Variants in P2RX6 observed in about 807,000 individuals in gnomAD.
P2RX6 encodes the protein purinergic receptor P2X 6.
A neutral mutation model predicts 54.2 loss-of-function variants in P2RX6; 62 were observed. The ratio of observed to expected loss-of-function variants is 1.14; its 90% confidence interval spans 0.93 to 1.41. The LOEUF is 1.41. Among genes scored for constraint, P2RX6 ranks in the 40% most tolerant of loss-of-function variants. The pLI, the probability that P2RX6 is intolerant of heterozygous loss-of-function variation, is 0.00. For missense variants in P2RX6, 541 were observed against 566.3 expected (o/e 0.96, Z 0.45); for synonymous variants, 211 against 231.9 (o/e 0.91, Z 0.82).
At chr22:21,012,432 C>G (rs911026489), upstream of P2RX6, 5 of 413,984 alleles carry the variant, frequency 1.2e-5, no homozygotes, top group Non-Finnish European at 1.8e-5. Context: ...ACCAGCAGGA[C>G]CCAGGTGACA....
chr22:21,010,859 G>T (rs901998273), upstream of P2RX6, among the ~76,000 whole-genome samples: 14 of 151,858 alleles, frequency 9.2e-5, no homozygotes, highest in African/African-American at 2.7e-4. Context: ...CCTAGCCTAG[G>T]CACACTGCTG....
Position 21,026,476 on chromosome 22 carries a change from C to T in P2RX6, c.1185C>T (p.Ser395=), listed in dbSNP as rs1202243571. The T allele has an allele frequency of 6.2e-7, 1 of 1,601,792 alleles. No individual in the cohort carries two copies. The highest frequency in any genetic ancestry group is 8.5e-7 in the Non-Finnish European group (1 of 1,174,752). ...TGTGGAGGGAGCTGGCCCTTGCATCCCAAGCCCGACTGGCCGAGTGCCTCA... is the reference window on the plus strand; with the variant it reads ...TGTGGAGGGAGCTGGCCCTTGCATCTCAAGCCCGACTGGCCGAGTGCCTCA... ...NSVWRELALA[S]QARLAECLRR... Residue 395 remains serine, a synonymous_variant, in exon 12 of 12, where the codon TCC becomes TCT. Transcript: ENST00000413302. The surrounding 1 kb of genome is among the most constrained non-coding windows in gnomAD (Gnocchi z 4.0).
chr22:21,026,338 A>C lies in P2RX6; in HGVS notation c.1128+9A>C, dbSNP rs1928450116. On this transcript the variant is annotated intron_variant, in intron 11 of 11. Coordinates refer to ENST00000413302, the MANE Select transcript of P2RX6 (RefSeq NM_005446.5). The surrounding 1 kb of genome is among the most constrained non-coding windows in gnomAD (Gnocchi z 4.0). ...GGACAAAGTATGAGGAGGTGAGCTG[A>C]GGTCGCTCTGCTTGGACCCTGGGTT... 6.2e-7 allele frequency: 1 copy of C among 1,600,108 alleles called. No individual in the cohort carries two copies. Among genetic ancestry groups the C allele is most frequent in the African/African-American group, 1.3e-5 (1 of 74,732 alleles).
rs1440323970 is a variant in P2RX6 at position 21,027,321 on chromosome 22, A to C, written c.*704A>C. On this transcript the variant is annotated 3_prime_UTR_variant, in exon 12 of 12. Transcript: ENST00000413302. ...CCCTTTTGCCATGGAGGTCTGGGAGAGAGAGCAGAGGGCGGCAGGGCTAAG... is the reference window on the plus strand; with the variant it reads ...CCCTTTTGCCATGGAGGTCTGGGAGCGAGAGCAGAGGGCGGCAGGGCTAAG... 6.6e-6 allele frequency: 1 copy of C among 152,620 alleles called. No individual in the cohort carries two copies. The highest frequency in any genetic ancestry group is 1.5e-5 in the Non-Finnish European group (1 of 68,524). 9.5% of individuals were successfully genotyped at this position (152,620 alleles called of 1,614,324 possible).
chr22:21,024,021 C>T (rs1927958344), intron 8 of P2RX6, among the ~76,000 whole-genome samples: 2 of 150,496 alleles, frequency 1.3e-5, no homozygotes, highest in African/African-American at 4.9e-5. Flanking sequence ...AGTGGCCCGA[C>T]CTCGGCTCAC....
At position 21,020,577 on chromosome 22, in the gene P2RX6, ATCTTTTTTTTTTTTT is replaced by A. The variant is rs71813933; in HGVS notation, c.388-2082_388-2068del. Among the ~76,000 whole-genome samples the A allele has an allele frequency of 0.021, 3,081 of 145,692 alleles. 229 individuals carry two copies. The East Asian group carries it at 0.22, about 10-fold the overall frequency. The stretch of plus-strand genomic sequence containing the variant: ...GGACCTAGGGCTGCACTTGAGCAGA[ATCTTTTTTTTTTTTT>A]TCTTTTTTTTTTTTTTGAGACAGAG... On this transcript the variant is annotated intron_variant, in intron 3 of 11. Transcript: ENST00000413302.
intron 8 of P2RX6, among the ~76,000 whole-genome samples, chr22:21,024,819 C>T (rs1283433741): frequency 6.6e-6 from 1 of 150,844 alleles, no homozygotes; most frequent in Non-Finnish European, 1.5e-5. Flanking sequence ...GATCTGCCCA[C>T]TTCAGCCTCC....
intron 8 of P2RX6, among the ~76,000 whole-genome samples, chr22:21,024,880 T>TG (rs1569179962): frequency 1.4e-5 from 1 of 73,592 alleles, no homozygotes; most frequent in African/African-American, 5.1e-5. Flanking sequence ...TTTTTTGTGT[T>TG]TTTTTTTTTT....
intron 8 of P2RX6, among the ~76,000 whole-genome samples, chr22:21,024,439 G>A (rs1264502962): frequency 2.0e-5 from 3 of 151,808 alleles, no homozygotes; most frequent in East Asian, 1.9e-4. Flanking sequence ...CTCCACGCCC[G>A]GCTAATTTTT....
upstream of P2RX6, among the ~76,000 whole-genome samples, chr22:21,010,724 C>T (rs1925693442): frequency 6.6e-6 from 1 of 152,060 alleles, no homozygotes; most frequent in South Asian, 2.1e-4. Context: ...AGTGATGAGA[C>T]CAAGGAATCC....
At chr22:21,016,298 C>T (rs1160205337) in intron 2 of P2RX6, among the ~76,000 whole-genome samples, 3 of 152,124 alleles carry the variant, frequency 2.0e-5, no homozygotes, top group African/African-American at 7.2e-5. Flanking sequence ...AAAGGGGCCA[C>T]TCAAGAAGCC....
chr22:21,016,136 C>T lies in P2RX6; in HGVS notation c.315+44C>T, dbSNP rs372598474. ...CTGACGGGGGCGCAAGTCCTTTCCC[C>T]ACTGACAGCCTGAACACCCGCCATG... On this transcript the variant is annotated intron_variant, in intron 2 of 11. Coordinates refer to ENST00000413302, the MANE Select transcript of P2RX6 (RefSeq NM_005446.5). The T allele has an allele frequency of 1.3e-4, 205 of 1,536,578 alleles. No individual in the cohort carries two copies. The African/African-American group carries it at 2.3e-3, about 17-fold the overall frequency.
intron 3 of P2RX6, among the ~76,000 whole-genome samples, chr22:21,021,655 CTGAG>C (rs1232339727): frequency 3.9e-5 from 6 of 151,998 alleles, no homozygotes; most frequent in Non-Finnish European, 1.5e-5. Context: ...TGCCCCTGAG[CTGAG>C]TGCCCTGGGC....
At chr22:21,011,069 C>T (rs1041186486), upstream of P2RX6, among the ~76,000 whole-genome samples, 4 of 152,144 alleles carry the variant, frequency 2.6e-5, no homozygotes, top group Non-Finnish European at 5.9e-5. Flanking sequence ...GTTTCTTTTG[C>T]AGTGCCAATA....
At chr22:21,015,920 C>T (rs1926286155) in intron 1 of P2RX6, 22 bp from the exon 2 acceptor site, 1 of 1,548,528 alleles carries the variant, frequency 6.5e-7, no homozygotes, top group Admixed American at 2.0e-5. Context: ...ACACACCACA[C>T]TGCCCGACTT....
chr22:21,022,799 G>A, intron 4 of P2RX6, 48 bp downstream of exon 4: 7 of 1,507,210 alleles, frequency 4.6e-6, no homozygotes, highest in Non-Finnish European at 5.4e-6. Context: ...GTGGGGGCCG[G>A]GCTGGGATCC....
rs2277838 is a variant in P2RX6, at chr22:21,023,361, G to A, written c.725G>A (p.Arg242His). Residue 242 changes from arginine (R) to histidine (H), a missense_variant, in exon 7 of 12, where the codon CGC becomes CAC. Transcript: ENST00000413302. Reference protein sequence around the residue: ...PQFSPYCPVFRIGDLVAKAGG... With the variant: ...PQFSPYCPVFHIGDLVAKAGG... The stretch of plus-strand genomic sequence containing the variant: ...TTCAGCCCCTACTGTCCCGTGTTCC[G>A]CATTGGGGACCTCGTGGCCAAGGCT... 0.16 allele frequency: 265,618 copies of A among 1,613,710 alleles called. 24,325 individuals are homozygous for A. The highest frequency in any genetic ancestry group is 0.19 in the Non-Finnish European group (220,993 of 1,179,756).
In P2RX6 at chr22:21,022,747, C is replaced by T. The variant is rs34009740; in HGVS notation, c.459C>T (p.Ser153=). Reference sequence around the variant, plus strand: ...CCGAAGGGGAGGGAGGCACACACAGCCACGGTAACTGTGGGCTCTGTCTTC... The same window carrying T: ...CCGAAGGGGAGGGAGGCACACACAGTCACGGTAACTGTGGGCTCTGTCTTC... The part of the protein sequence containing the change: ...DCPEGEGGTH[S]HGVKTGQCVV... The change falls in exon 4 of 12, where the codon AGC becomes AGT. Residue 153 remains serine, a synonymous_variant. Coordinates refer to ENST00000413302, the MANE Select transcript of P2RX6 (RefSeq NM_005446.5). The T allele has an allele frequency of 1.8e-4, 280 of 1,567,430 alleles. No homozygotes were observed. In the African/African-American group the frequency reaches 3.5e-3, roughly 20 times the overall value.
chr22:21,019,044 G>T (rs1322051666), intron 3 of P2RX6, among the ~76,000 whole-genome samples: 2 of 152,042 alleles, frequency 1.3e-5, no homozygotes, highest in Non-Finnish European at 2.9e-5. Context: ...CCTTGCCTGG[G>T]GATGTCCCTG....
Sources: gnomAD v4.1 joint callset for allele counts (sites outside exome capture counted in the v4.1 genomes callset) on GRCh38, gnomAD v4.1.1 for gene constraint, Gnocchi (gnomAD v3.1) non-coding constraint, MANE v1.5 for transcripts, NCBI Gene and HGNC (gene_info 2026-07-23, HGNC 2026-07-21) for gene names.